The following OPCML variants were observed in gnomAD, a reference collection of about 807,000 sequenced individuals.
OPCML encodes the protein opioid binding protein/cell adhesion molecule like, also known as opioid-binding protein/cell adhesion molecule.
In OPCML, 13 loss-of-function variants were observed where a neutral mutation model predicts 37.8. The ratio of observed to expected loss-of-function variants is 0.34; its 90% CI spans 0.22 to 0.55. OPCML has a LOEUF of 0.55. OPCML is among the 20% of genes least tolerant of loss of function. OPCML has a pLI of 0.91. For synonymous variants in OPCML, 176 were observed against 168.8 expected, an observed-to-expected ratio of 1.04 and a Z score of -0.33; for missense variants, 341 against 435.6, an observed-to-expected ratio of 0.78 and a Z score of 1.93.
chr11:132,845,341 C>T (rs754448342), intron 2 of OPCML, among the ~76,000 whole-genome samples: 2 of 152,078 alleles, frequency 1.3e-5, no homozygotes, highest in Non-Finnish European at 2.9e-5. Flanking sequence ...ATGGCAAACG[C>T]CTTTGAACAA....
intron 1 of OPCML, among the ~76,000 whole-genome samples, chr11:133,059,265 T>C (rs950292139): frequency 5.9e-5 from 9 of 152,244 alleles, no homozygotes; most frequent in Non-Finnish European, 1.2e-4. Context: ...CCAGAGCCTT[T>C]GTACTCAAAG....
chr11:132,776,293 C>G (rs1196143383), intron 2 of OPCML, among the ~76,000 whole-genome samples: 1 of 152,192 alleles, frequency 6.6e-6, no homozygotes, highest in Non-Finnish European at 1.5e-5. Context: ...TAACTTCATG[C>G]TAATGCACCT....
intron 4 of OPCML, among the ~76,000 whole-genome samples, chr11:132,481,663 T>G (rs201573338): frequency 2.0e-5 from 3 of 151,352 alleles, no homozygotes; most frequent in Non-Finnish European, 3.0e-5. Context: ...GACCACATAG[T>G]TGGAAGTAAA....
intron 7 of OPCML, among the ~76,000 whole-genome samples, chr11:132,428,402 T>C (rs976216411): frequency 2.6e-5 from 4 of 152,220 alleles, no homozygotes; most frequent in Non-Finnish European, 4.4e-5. Flanking sequence ...CTGGAAGATA[T>C]AGTGTTACAT....
intron 4 of OPCML, among the ~76,000 whole-genome samples, chr11:132,496,697 C>T (rs1592266111): frequency 6.6e-6 from 1 of 152,210 alleles, no homozygotes; most frequent in Non-Finnish European, 1.5e-5. Flanking sequence ...TCAAAATGTA[C>T]TTGCATATAG....
chr11:133,423,094 A>G, intron 1 of OPCML: 1 of 985,432 alleles, frequency 1.0e-6, no homozygotes. Context: ...GTTCTCCAGA[A>G]TTGAGAAATG....
chr11:133,108,530 C>A lies in OPCML; in HGVS notation c.62-165520G>T, dbSNP rs147617342. Among the ~76,000 whole-genome samples, 1,422 of 152,124 alleles carry A rather than the reference C, an allele frequency of 9.3e-3. 27 individuals carry two copies. Among genetic ancestry groups the A allele is most frequent in the African/African-American group, 0.033 (1,348 of 41,476 alleles). ...AATGTCGTGCGCTAGAGCTTTCCAG[C>A]GGGGTAAATGGGAGCGTTAGGAATC... On this transcript the variant is annotated intron_variant, in intron 1 of 7. Coordinates refer to ENST00000524381, the MANE Select transcript of OPCML (RefSeq NM_001012393.5).
chr11:132,881,381 G>C (rs1191885655), intron 2 of OPCML, among the ~76,000 whole-genome samples: 1 of 152,182 alleles, frequency 6.6e-6, no homozygotes, highest in Non-Finnish European at 1.5e-5. Flanking sequence ...CCCCCAAGAA[G>C]GGGCATGAAG....
chr11:132,756,224 T>C (rs1946038779), intron 2 of OPCML, among the ~76,000 whole-genome samples: 1 of 152,192 alleles, frequency 6.6e-6, no homozygotes, highest in Admixed American at 6.5e-5. Context: ...TCCCGAGTTC[T>C]TGAAATACTC....
intron 1 of OPCML, among the ~76,000 whole-genome samples, chr11:133,273,436 C>T (rs73029343): frequency 2.6e-5 from 4 of 152,158 alleles, no homozygotes; most frequent in African/African-American, 9.7e-5. Context: ...AGCTGAGGAA[C>T]TGACCCCACA....
chr11:133,403,847 C>T (rs1346079182), intron 1 of OPCML, among the ~76,000 whole-genome samples: 3 of 152,196 alleles, frequency 2.0e-5, no homozygotes, highest in Non-Finnish European at 4.4e-5. Context: ...CTGAATCCAT[C>T]CAATTCAACA....
chr11:132,615,280 T>C (rs1938933665), intron 3 of OPCML, among the ~76,000 whole-genome samples: 1 of 152,184 alleles, frequency 6.6e-6, no homozygotes, highest in South Asian at 2.1e-4. Context: ...GTGCAAGTTA[T>C]AAGGTCTGTC....
At position 132,508,377 on chromosome 11, in the gene OPCML, C is replaced by A. The variant is rs1940412; in HGVS notation, c.505+20684G>T. ...ATAGTATGAGTATGTCATGACCACA[C>A]CAGATTTATTCTTGGTTGCAAGGTT... On this transcript the variant is annotated intron_variant, in intron 4 of 7. Transcript: ENST00000524381. Among the ~76,000 whole-genome samples, 904 of 152,012 alleles carry A rather than the reference C, an allele frequency of 5.9e-3. 9 individuals carry two copies. Among genetic ancestry groups the A allele is most frequent in the South Asian group, 0.026 (124 of 4,818 alleles).
At chr11:132,873,594 G>A (rs1002202504) in intron 2 of OPCML, among the ~76,000 whole-genome samples, 1 of 152,038 alleles carries the variant, frequency 6.6e-6, no homozygotes, top group Non-Finnish European at 1.5e-5. Context: ...TAGGCCAAAG[G>A]GGAGAGGAAA....
chr11:132,844,154 T>C lies in OPCML; in HGVS notation c.146+98772A>G, dbSNP rs1184089429. The stretch of plus-strand genomic sequence containing the variant: ...TGCTCCTCCTTGCCTTCTGCCATGA[T>C]TGTGAGGCTTCCCCAGCCACGTGGA... On this transcript the variant is annotated intron_variant, in intron 2 of 7. Coordinates refer to ENST00000524381, the MANE Select transcript of OPCML (RefSeq NM_001012393.5). Among the ~76,000 whole-genome samples, 5 of 152,340 alleles carry C rather than the reference T, an allele frequency of 3.3e-5. No homozygotes were observed. In the East Asian group the frequency reaches 9.6e-4, roughly 29 times the overall value.
At chr11:132,835,962 T>C (rs1940979534) in intron 2 of OPCML, among the ~76,000 whole-genome samples, 2 of 152,354 alleles carry the variant, frequency 1.3e-5, no homozygotes, top group Middle Eastern at 3.4e-3. Context: ...TGTTGTTTCA[T>C]GTTCTCTATC....
chr11:133,209,598 C>T (rs1038981364), intron 1 of OPCML, among the ~76,000 whole-genome samples: 2 of 152,150 alleles, frequency 1.3e-5, no homozygotes, highest in African/African-American at 4.8e-5. Context: ...CTTTCCCAAC[C>T]AGATCAGAAT....
intron 4 of OPCML, among the ~76,000 whole-genome samples, chr11:132,450,311 G>A (rs2096065327): frequency 6.6e-6 from 1 of 152,210 alleles, no homozygotes; most frequent in African/African-American, 2.4e-5. Context: ...GTCGCTGTGA[G>A]GGAGAAAGAC....
At position 133,092,886 on chromosome 11, in the gene OPCML, T is replaced by A. The variant is rs141071848; in HGVS notation, c.62-149876A>T. Among the ~76,000 whole-genome samples the A allele has an allele frequency of 3.4e-3, 515 of 152,112 alleles. 1 individual carries two copies. Among genetic ancestry groups the A allele is most frequent in the African/African-American group, 0.012 (498 of 41,464 alleles). The stretch of plus-strand genomic sequence containing the variant: ...AGAGAGAGGATTTCTGGCAACAGCA[T>A]TTAGTTCCTAGTGCCAGTTATCCCT... On this transcript the variant is annotated intron_variant, in intron 1 of 7. Transcript: ENST00000524381.
Sources: gnomAD v4.1 joint callset for allele counts (sites outside exome capture counted in the v4.1 genomes callset) on GRCh38, gnomAD v4.1.1 for gene constraint, MANE v1.5 for transcripts, NCBI Gene and HGNC (gene_info 2026-07-23, HGNC 2026-07-21) for gene names.